The following NIPBL variants were observed in gnomAD, a reference collection of about 807,000 sequenced individuals.
NIPBL encodes nipped-B-like protein.
Under a neutral mutation model 321.8 loss-of-function variants are expected in NIPBL, and 19 were observed. The ratio of observed to expected loss-of-function variants is 0.06; its 90% CI spans 0.04 to 0.09. The LOEUF is 0.09. NIPBL is among the 10% of genes least tolerant of loss of function. The probability of loss-of-function intolerance (pLI) is 1.00; values close to 1 mark genes in which losing one functional copy is unlikely to be tolerated. For missense variants in NIPBL, 2,210 were observed against 3,327.0 expected (o/e 0.66, Z 8.26); for synonymous variants, 1,106 against 1,114.1 (o/e 0.99, Z 0.14).
intron 9 of NIPBL, among the ~76,000 whole-genome samples, 169 bp downstream of exon 9, chr5:36,976,571 A>G (rs762862564): frequency 2.0e-4 from 30 of 152,118 alleles, no homozygotes; most frequent in African/African-American, 7.0e-4. Context: ...ATTCGTAACA[A>G]TTTCATTTAT....
chr5:37,024,012 A>G (rs1037559468), intron 29 of NIPBL, among the ~76,000 whole-genome samples: 5 of 151,986 alleles, frequency 3.3e-5, no homozygotes, highest in African/African-American at 1.2e-4. Context: ...TAAAAATACA[A>G]AAATTAGCCA....
In NIPBL at chr5:37,045,430, T is replaced by C. The variant is rs774836146; in HGVS notation, c.6344-13T>C. 5 of 1,565,968 alleles carry C rather than the reference T, an allele frequency of 3.2e-6. No homozygotes were observed. In the Admixed American group the frequency reaches 5.0e-5, roughly 16 times the overall value. On this transcript the variant is annotated splice_polypyrimidine_tract_variant and intron_variant, in intron 36 of 46. Coordinates refer to ENST00000282516, the MANE Select transcript of NIPBL (RefSeq NM_133433.4). ...GATAAATATTATAAGTAAATATTAC[T>C]TATCTTTATTAGGTGCCATTTCAAA...
rs537137406 is a variant in NIPBL, at chr5:36,889,259, T to C, written c.-80+12081T>C. On this transcript the variant is annotated intron_variant, in intron 1 of 46. Coordinates refer to ENST00000282516, the MANE Select transcript of NIPBL (RefSeq NM_133433.4). ...CTATTTTTATCTGGACAATAAGGTT[T>C]GTTTAGTTGGATAAGAGAAAGATCT... Among the ~76,000 whole-genome samples, 4 of 152,240 alleles carry C rather than the reference T, an allele frequency of 2.6e-5. No homozygotes were observed. The East Asian group carries it at 7.7e-4, about 29-fold the overall frequency.
intron 42 of NIPBL, 126 bp downstream of exon 42, chr5:37,052,692 A>C: frequency 5.4e-6 from 4 of 741,402 alleles, no homozygotes; most frequent in Non-Finnish European, 8.9e-6. Context: ...TGTTTTCTTA[A>C]TCTTCTAAGT....
intron 20 of NIPBL, among the ~76,000 whole-genome samples, chr5:37,009,745 T>C (rs558978855): frequency 6.6e-6 from 1 of 152,208 alleles, no homozygotes; most frequent in Non-Finnish European, 1.5e-5. Flanking sequence ...TAGCAAAATA[T>C]ATGGGCATTT....
At chr5:36,951,680 T>A (rs1408308838) in intron 1 of NIPBL, among the ~76,000 whole-genome samples, 1 of 152,216 alleles carries the variant, frequency 6.6e-6, no homozygotes, top group Non-Finnish European at 1.5e-5. Context: ...ATCAAATTAA[T>A]AATTTCAAAG....
chr5:37,062,544 A>G (rs143344780), intron 45 of NIPBL, among the ~76,000 whole-genome samples: 71 of 152,170 alleles, frequency 4.7e-4, no homozygotes, highest in African/African-American at 1.6e-3. Flanking sequence ...GTTTCCAGTG[A>G]TTAAAAAAAA....
chr5:36,881,693 A>G lies in NIPBL; in HGVS notation c.-80+4515A>G, dbSNP rs183313384. Among the ~76,000 whole-genome samples the G allele has an allele frequency of 4.2e-4, 64 of 152,050 alleles. No individual in the cohort carries two copies. The South Asian group carries it at 7.5e-3, about 18-fold the overall frequency. Reference sequence around the variant, plus strand: ...ATTTTAATATTATCTTTTGGGTGTTAGTTGATGTGATACTTGCCCAGTCAC... The same window carrying G: ...ATTTTAATATTATCTTTTGGGTGTTGGTTGATGTGATACTTGCCCAGTCAC... On this transcript the variant is annotated intron_variant, in intron 1 of 46. Transcript: ENST00000282516.
intron 1 of NIPBL, among the ~76,000 whole-genome samples, chr5:36,939,214 A>T (rs568295689): frequency 6.6e-6 from 1 of 152,050 alleles, no homozygotes; most frequent in African/African-American, 2.4e-5. Flanking sequence ...TATTGCCCAG[A>T]CTATTCTTGA....
intron 32 of NIPBL, among the ~76,000 whole-genome samples, chr5:37,035,066 G>C (rs1411109859): frequency 6.6e-6 from 1 of 152,222 alleles, no homozygotes; most frequent in Non-Finnish European, 1.5e-5. Context: ...AAGGCAGGCG[G>C]ATCACTTGAG....
At chr5:37,003,036 T>C (rs1041878319) in intron 15 of NIPBL, among the ~76,000 whole-genome samples, 2 of 151,930 alleles carry the variant, frequency 1.3e-5, no homozygotes, top group Admixed American at 6.6e-5. Context: ...TTCTCAAATA[T>C]TTAGATTATT....
intron 6 of NIPBL, among the ~76,000 whole-genome samples, chr5:36,969,896 C>T (rs532214847): frequency 6.6e-6 from 1 of 152,242 alleles, no homozygotes; most frequent in South Asian, 2.1e-4. Context: ...TTAAAATATG[C>T]ATATCTGGCA....
At chr5:36,997,885 A>AG (rs1158889380) in intron 11 of NIPBL, among the ~76,000 whole-genome samples, 1 of 151,934 alleles carries the variant, frequency 6.6e-6, no homozygotes, top group Non-Finnish European at 1.5e-5. Context: ...TGAGAGAGAG[A>AG]AAAAAAAATT....
intron 1 of NIPBL, among the ~76,000 whole-genome samples, chr5:36,905,639 T>A (rs1747571753): frequency 6.6e-6 from 1 of 152,218 alleles, no homozygotes; most frequent in Non-Finnish European, 1.5e-5. Flanking sequence ...TTGGTTTAAT[T>A]TATTTTCAAT....
chr5:37,064,251 G>C, intron 46 of NIPBL: 3 of 1,372,470 alleles, frequency 2.2e-6, no homozygotes, highest in Non-Finnish European at 2.8e-6. Context: ...TTTTATTGTT[G>C]CTAAGTTTTA....
intron 1 of NIPBL, among the ~76,000 whole-genome samples, chr5:36,905,750 T>TG (rs1013544911): frequency 6.6e-6 from 1 of 151,502 alleles, no homozygotes; most frequent in African/African-American, 2.4e-5. Flanking sequence ...TTTGTTTTTG[T>TG]GTTTTTTTTT....
At chr5:37,052,340 A>G (rs766844766) in intron 41 of NIPBL, 26 bp from the exon 42 acceptor site, 2 of 1,595,370 alleles carry the variant, frequency 1.3e-6, no homozygotes, top group Non-Finnish European at 1.7e-6. Context: ...TTTCCCTGAC[A>G]AAAATGAGAC....
At chr5:37,009,256 G>C (rs1407793843) in intron 20 of NIPBL, among the ~76,000 whole-genome samples, 2 of 151,340 alleles carry the variant, frequency 1.3e-5, no homozygotes, top group Non-Finnish European at 3.0e-5. Flanking sequence ...ATAAAAAACA[G>C]AAAGATTAAT....
chr5:36,956,729 AT>A (rs1410155318), intron 3 of NIPBL, among the ~76,000 whole-genome samples: 1 of 138,510 alleles, frequency 7.2e-6, no homozygotes, highest in Admixed American at 8.2e-5. Flanking sequence ...GGTTCAAGTG[AT>A]TGTTCTGTCT....
Sources: gnomAD v4.1 joint callset for allele counts (sites outside exome capture counted in the v4.1 genomes callset) on GRCh38, gnomAD v4.1.1 for gene constraint, MANE v1.5 for transcripts, NCBI Gene and HGNC (gene_info 2026-07-23, HGNC 2026-07-21) for gene names.